TEX11: variants seen among roughly 807,000 people sequenced by gnomAD.
TEX11 encodes testis expressed 11.
In TEX11, 7 loss-of-function variants were observed where a neutral mutation model predicts 84.4. The ratio of observed to expected loss-of-function variants is 0.08; its 90% CI spans 0.05 to 0.16. The LOEUF is 0.16. Ranked by LOEUF, TEX11 falls within the 10% of genes least tolerant of loss-of-function variation. The probability of loss-of-function intolerance (pLI) is 1.00; values close to 1 mark genes in which losing one functional copy is unlikely to be tolerated. For synonymous variants in TEX11, 264 were observed against 222.8 expected (o/e 1.18, Z -1.64); for missense variants, 551 against 660.5 (o/e 0.83, Z 1.82).
intron 9 of TEX11, among the ~76,000 whole-genome samples, chrX:70,796,700 G>T: frequency 8.9e-6 from 1 of 112,161 alleles, no homozygotes. Context: ...GTAAATACTT[G>T]CAAGCTATGC....
At position 70,748,148 on chromosome X, in the gene TEX11, G is replaced by C. The variant is rs920358378; in HGVS notation, c.693-3929C>G. Among the ~76,000 whole-genome samples the C allele has an allele frequency of 1.8e-4, 20 of 110,930 alleles. No homozygotes were observed. The Admixed American group carries it at 1.9e-3, about 11-fold the overall frequency. ...AATGGGAGTACCAGAAGAAAAGAAAGAAAAGGACAAATAAATATTCAAAGA... is the reference window on the plus strand; with the variant it reads ...AATGGGAGTACCAGAAGAAAAGAAACAAAAGGACAAATAAATATTCAAAGA... On this transcript the variant is annotated intron_variant, in intron 9 of 29. Coordinates refer to ENST00000374333, the MANE Select transcript of TEX11 (RefSeq NM_031276.3).
intron 17 of TEX11, among the ~76,000 whole-genome samples, chrX:70,633,510 AAATTTTACTGGAG>A (rs1958336954): frequency 8.9e-6 from 1 of 112,241 alleles, no homozygotes; most frequent in South Asian, 3.7e-4. Context: ...AGTTTTACTC[AAATTTTACTGGAG>A]AATCTAACAA....
chrX:70,780,498 T>TGACTCATGGG (rs1398669890), intron 9 of TEX11, among the ~76,000 whole-genome samples: 1 of 111,651 alleles, frequency 9.0e-6, no homozygotes, highest in Non-Finnish European at 1.9e-5. Context: ...CAAAGCAGGG[T>TGACTCATGGG]GGAGCGTTGA....
chrX:70,897,521 C>G (rs2091775361), intron 2 of TEX11: 1 of 104,313 alleles, frequency 9.6e-6, no homozygotes, highest in Non-Finnish European at 1.9e-5. Flanking sequence ...ACACAGGAGG[C>G]GGAGGTTGCA....
At chrX:70,547,722 C>T (rs2147942001) in intron 28 of TEX11, among the ~76,000 whole-genome samples, 1 of 111,883 alleles carries the variant, frequency 8.9e-6, no homozygotes, top group East Asian at 2.8e-4. Flanking sequence ...CAATAAGATA[C>T]CATCTCACAC....
chrX:70,732,320 G>C (rs1197076377), intron 11 of TEX11, among the ~76,000 whole-genome samples: 3 of 110,770 alleles, frequency 2.7e-5, no homozygotes, highest in Non-Finnish European at 5.7e-5. Flanking sequence ...CAGGCAGAAG[G>C]AAATAAAGGG....
intron 20 of TEX11, 71 bp downstream of exon 20, chrX:70,623,879 A>G (rs2089422050): frequency 4.2e-6 from 4 of 950,099 alleles, no homozygotes; most frequent in Non-Finnish European, 5.9e-6. Flanking sequence ...ATCTCTGAAT[A>G]TATGATTTAT....
chrX:70,598,322 T>G (rs185154285), intron 24 of TEX11, among the ~76,000 whole-genome samples: 93 of 112,064 alleles, frequency 8.3e-4, no homozygotes, highest in Non-Finnish European at 1.5e-3. Flanking sequence ...AGGTATCAAT[T>G]TATATTCACT....
intron 9 of TEX11, among the ~76,000 whole-genome samples, chrX:70,753,243 T>G (rs908838146): frequency 1.8e-5 from 2 of 109,895 alleles, no homozygotes; most frequent in African/African-American, 6.6e-5. Context: ...TGCAAACTAC[T>G]GAGACACCAG....
rs184384927 is a variant in TEX11 at position 70,600,404 on chromosome X, A to G, written c.2067+4997T>C. ...GACCTACAAAGAGACTTAGACTCCC[A>G]CACATTAATAATGGGAGACTTTAAC... On this transcript the variant is annotated intron_variant, in intron 24 of 29. Transcript: ENST00000374333. Among the ~76,000 whole-genome samples, 14 of 111,278 alleles carry G rather than the reference A, an allele frequency of 1.3e-4. No individual in the cohort carries two copies. In the East Asian group the frequency reaches 3.9e-3, roughly 31 times the overall value.
intron 17 of TEX11, among the ~76,000 whole-genome samples, chrX:70,639,389 G>T (rs183548203): frequency 1.3e-4 from 15 of 112,007 alleles, no homozygotes; most frequent in Non-Finnish European, 2.4e-4. Flanking sequence ...CAAAGCAGCC[G>T]GGAAGCTCGA....
intron 7 of TEX11, among the ~76,000 whole-genome samples, chrX:70,838,985 C>T (rs914511305): frequency 8.9e-5 from 10 of 112,598 alleles, no homozygotes; most frequent in Non-Finnish European, 1.9e-4. Context: ...GTAAACAAAG[C>T]AGCCGGGAAG....
intron 11 of TEX11, among the ~76,000 whole-genome samples, chrX:70,734,073 A>G (rs1250995099): frequency 9.0e-6 from 1 of 110,538 alleles, no homozygotes; most frequent in Non-Finnish European, 1.9e-5. Context: ...CAAACACCGC[A>G]TGTTCTCACT....
intron 15 of TEX11, among the ~76,000 whole-genome samples, chrX:70,672,126 C>T (rs1336574672): frequency 9.2e-6 from 1 of 108,324 alleles, no homozygotes; most frequent in Non-Finnish European, 1.9e-5. Context: ...TACTTTTTTG[C>T]CTGGCCCCTT....
chrX:70,825,164 T>C (rs1370029839), intron 8 of TEX11, among the ~76,000 whole-genome samples: 1 of 109,236 alleles, frequency 9.2e-6, no homozygotes, highest in East Asian at 2.9e-4. Flanking sequence ...ATACAAAAAT[T>C]AGCTGGGCAT....
chrX:70,534,809 A>G (rs936602435), intron 28 of TEX11, among the ~76,000 whole-genome samples: 7 of 112,139 alleles, frequency 6.2e-5, no homozygotes, highest in Non-Finnish European at 1.3e-4. Context: ...TCTAAAGTGT[A>G]CAATACGGTG....
rs184078723 is a variant in TEX11, at chrX:70,539,745, A to C, written c.2521-9746T>G. ...CTTGAACATTATACATAAAACAAAC[A>C]TAAGAAACCTCTGAAAGGTGTAGAG... On this transcript the variant is annotated intron_variant, in intron 28 of 29. Coordinates refer to ENST00000374333, the MANE Select transcript of TEX11 (RefSeq NM_031276.3). Among the ~76,000 whole-genome samples, 13 of 112,187 alleles carry C rather than the reference A, an allele frequency of 1.2e-4. No homozygotes were observed. In the East Asian group the frequency reaches 3.6e-3, roughly 31 times the overall value.
chrX:70,832,071 C>G lies in TEX11; in HGVS notation c.606+1442G>C, dbSNP rs991735331. Among the ~76,000 whole-genome samples, 6 of 111,335 alleles carry G rather than the reference C, an allele frequency of 5.4e-5. No individual in the cohort carries two copies. In the East Asian group the frequency reaches 1.4e-3, roughly 26 times the overall value. On this transcript the variant is annotated intron_variant, in intron 8 of 29. Coordinates refer to ENST00000374333, the MANE Select transcript of TEX11 (RefSeq NM_031276.3). ...ATCAAGAGATCAAAGCTAGCACCAC[C>G]AATAATAGTATAAATCAATCCTGTA...
chrX:70,605,357 T>C (rs768903264), intron 24 of TEX11, 44 bp downstream of exon 24: 4 of 905,160 alleles, frequency 4.4e-6, no homozygotes, highest in African/African-American at 1.9e-5. Flanking sequence ...ACATATCAAA[T>C]AGCACACTGA....
Sources: allele counts gnomAD v4.1 joint callset (sites outside exome capture counted in the v4.1 genomes callset), GRCh38; gene constraint gnomAD v4.1.1; transcripts MANE v1.5; gene names NCBI Gene and HGNC (gene_info 2026-07-23, HGNC 2026-07-21).